The following AKT1 variants were observed in gnomAD, a reference collection of about 807,000 sequenced individuals.
AKT1 encodes the protein RAC-alpha serine/threonine-protein kinase.
A neutral mutation model predicts 63.1 loss-of-function variants in AKT1; 21 were observed. The observed-to-expected ratio is 0.33, with a 90% CI of 0.24 to 0.48. The LOEUF (loss-of-function observed/expected upper bound fraction) is 0.48, where lower values mean the gene tolerates loss of function less well. Ranked by LOEUF, AKT1 falls within the 20% of genes least tolerant of loss-of-function variation. The pLI is 0.99. For missense variants in AKT1, 382 were observed against 666.0 expected, an observed-to-expected ratio of 0.57 and a Z score of 4.69; for synonymous variants, 257 against 253.1, an observed-to-expected ratio of 1.02 and a Z score of -0.15.
At chr14:104,775,345 G>A in intron 6 of AKT1, 138 bp from the exon 7 acceptor site, 1 of 1,448,922 alleles carries the variant, frequency 6.9e-7, no homozygotes, top group Non-Finnish European at 9.2e-7. Context: ...GTGGCCTACT[G>A]GGCTCAGCGG....
chr14:104,775,256 G>A (rs772963920), intron 6 of AKT1, 49 bp from the exon 7 acceptor site: 1 of 1,607,954 alleles, frequency 6.2e-7, no homozygotes, highest in East Asian at 2.2e-5. Flanking sequence ...ACAGTGCCCA[G>A]CTGGTCGGCA....
intron 3 of AKT1, among the ~76,000 whole-genome samples, chr14:104,791,815 C>T (rs1893642928): frequency 6.6e-6 from 1 of 152,350 alleles, no homozygotes; most frequent in East Asian, 1.9e-4. Context: ...CAGGAGAGGG[C>T]GGACCGATTC....
intron 2 of AKT1, 90 bp from the exon 3 acceptor site, chr14:104,792,812 C>T: frequency 1.3e-6 from 1 of 760,934 alleles, no homozygotes; most frequent in African/African-American, 1.7e-5. Flanking sequence ...ACTGCACGTG[C>T]CTGGGGGCTC....
intron 3 of AKT1, among the ~76,000 whole-genome samples, chr14:104,785,850 C>A (rs1213729463): frequency 6.6e-6 from 1 of 152,104 alleles, no homozygotes; most frequent in Non-Finnish European, 1.5e-5. Flanking sequence ...CAGCCGGAGG[C>A]GCTGGGGCCT....
At position 104,773,915 on chromosome 14, in the gene AKT1, G is replaced by A. The variant is rs371786809; in HGVS notation, c.699C>T (p.Gly233=). Reference sequence around the variant, plus strand: ...CCCCCGCAGCCCCAGCCCCTACCTCGCCCCCGTTGGCGTACTCCATGACAA... The same window carrying A: ...CCCCCGCAGCCCCAGCCCCTACCTCACCCCCGTTGGCGTACTCCATGACAA... ...LCFVMEYANG[G]ELFFHLSRER... The change falls in exon 9 of 15, where the codon GGC becomes GGT. Residue 233 remains glycine (G), a synonymous_variant. Coordinates refer to ENST00000649815, the MANE Select transcript of AKT1 (RefSeq NM_001382430.1). 14 of 1,608,576 alleles carry A rather than the reference G, an allele frequency of 8.7e-6. No homozygotes were observed. The highest frequency in any genetic ancestry group is 2.2e-5 in the East Asian group (1 of 44,690).
At chr14:104,777,966 G>A (rs1892830752) in intron 4 of AKT1, 1 of 152,786 alleles carries the variant, frequency 6.5e-6, no homozygotes, top group South Asian at 2.1e-4. Flanking sequence ...CCCAGGGCCA[G>A]AGTCTCGAGC....
chr14:104,786,038 T>G (rs1893313488), intron 3 of AKT1, among the ~76,000 whole-genome samples: 1 of 151,908 alleles, frequency 6.6e-6, no homozygotes, highest in South Asian at 2.1e-4. Flanking sequence ...GCACCCCACC[T>G]GCCACACACC....
intron 13 of AKT1, 101 bp downstream of exon 13, chr14:104,772,264 G>T: frequency 7.8e-7 from 1 of 1,278,404 alleles, no homozygotes; most frequent in Non-Finnish European, 1.1e-6. Context: ...CCTGAGGTGA[G>T]GGCGAGTGTG....
chr14:104,774,553 GCCC>G, intron 8 of AKT1: 1 of 265,916 alleles, frequency 3.8e-6, no homozygotes, highest in Middle Eastern at 1.1e-3. Flanking sequence ...CTGGACCCTG[GCCC>G]CCTTCACAGT....
intron 4 of AKT1, chr14:104,777,857 G>T: frequency 3.7e-6 from 1 of 272,962 alleles, no homozygotes; most frequent in Non-Finnish European, 5.6e-6. Context: ...AGGGTGGCCT[G>T]TGTCAACACA....
In AKT1 at chr14:104,776,570, G is replaced by C. The variant is rs1332218117; in HGVS notation, c.287+89C>G. 4 of 1,155,422 alleles carry C rather than the reference G, an allele frequency of 3.5e-6. No homozygotes were observed. The African/African-American group carries it at 4.6e-5, about 13-fold the overall frequency. 71.6% of individuals were successfully genotyped at this position (1,155,422 alleles called of 1,614,324 possible). A position where few individuals can be genotyped will look rare whatever the true frequency, so the allele number is the denominator to read the frequency against. On this transcript the variant is annotated intron_variant, in intron 5 of 14. Transcript: ENST00000649815. ...CACTGGGGAGTGAGGATGGCTACAG[G>C]CAGAGGTGCCAGCACCCCGCCATCC...
At chr14:104,786,817 G>A (rs527579130) in intron 3 of AKT1, among the ~76,000 whole-genome samples, 3 of 152,180 alleles carry the variant, frequency 2.0e-5, no homozygotes, top group Admixed American at 2.0e-4. Context: ...GTGCAGCTCA[G>A]CGTCTCCGCG....
intron 4 of AKT1, among the ~76,000 whole-genome samples, chr14:104,779,397 G>A (rs1241201661): frequency 6.6e-6 from 1 of 152,220 alleles, no homozygotes; most frequent in Non-Finnish European, 1.5e-5. Context: ...AGTGATGGAG[G>A]CTTCAGAGCT....
Position 104,780,866 on chromosome 14 carries a change from T to C in AKT1, c.47-650A>G, listed in dbSNP as rs111838168. ...CTGTCTAGGGGCCTGGAGCACCGTC[T>C]TGGGGACTGCCGATGAAGCCAGACA... is the stretch of plus-strand genomic sequence containing the variant. On this transcript the variant is annotated intron_variant, in intron 3 of 14. Transcript: ENST00000649815. Among the ~76,000 whole-genome samples, 63 of 152,354 alleles carry C rather than the reference T, an allele frequency of 4.1e-4. 1 individual carries two copies. Among genetic ancestry groups the C allele is most frequent in the African/African-American group, 1.5e-3 (61 of 41,588 alleles).
chr14:104,784,984 G>A (rs538176616), intron 3 of AKT1, among the ~76,000 whole-genome samples: 2 of 152,356 alleles, frequency 1.3e-5, no homozygotes, highest in Non-Finnish European at 2.9e-5. Context: ...TCGCAGAGAC[G>A]GTGGTGGCAG....
Position 104,773,918 on chromosome 14 carries a change from C to A in AKT1, c.696G>T (p.Gly232=). Residue 232 remains glycine, a synonymous_variant, in exon 9 of 15, where the codon GGG becomes GGT. Coordinates refer to ENST00000649815, the MANE Select transcript of AKT1 (RefSeq NM_001382430.1). ...CCGCAGCCCCAGCCCCTACCTCGCC[C>A]CCGTTGGCGTACTCCATGACAAAGC... ...RLCFVMEYAN[G]GELFFHLSRE... is the part of the protein sequence containing the mutation. 1.2e-6 allele frequency: 2 copies of A among 1,610,032 alleles called. No homozygotes were observed. The highest frequency in any genetic ancestry group is 2.2e-5 in the East Asian group (1 of 44,732).
At chr14:104,783,937 C>T (rs1161177491) in intron 3 of AKT1, among the ~76,000 whole-genome samples, 1 of 152,242 alleles carries the variant, frequency 6.6e-6, no homozygotes, top group Non-Finnish European at 1.5e-5. Flanking sequence ...GGGGACCCCA[C>T]ACCACTGCCA....
At chr14:104,782,468 C>G (rs1055063587) in intron 3 of AKT1, among the ~76,000 whole-genome samples, 1 of 152,224 alleles carries the variant, frequency 6.6e-6, no homozygotes, top group African/African-American at 2.4e-5. Flanking sequence ...TGCCACAAGC[C>G]CAGCCCCAGG....
chr14:104,775,060 A>G lies in AKT1; in HGVS notation c.567+16T>C. 1.2e-6 allele frequency: 2 copies of G among 1,612,384 alleles called. No individual in the cohort carries two copies. The highest frequency in any genetic ancestry group is 1.7e-6 in the Non-Finnish European group (2 of 1,179,538). On this transcript the variant is annotated intron_variant, in intron 7 of 14. Coordinates refer to ENST00000649815, the MANE Select transcript of AKT1 (RefSeq NM_001382430.1). Reference sequence around the variant, plus strand: ...CGCACCCTCATCTCCACCCTGCCCCACCGCCCCGGCCCCACCTTGGCCACG... The same window carrying G: ...CGCACCCTCATCTCCACCCTGCCCCGCCGCCCCGGCCCCACCTTGGCCACG...
Sources: allele counts gnomAD v4.1 joint callset (sites outside exome capture counted in the v4.1 genomes callset), GRCh38; gene constraint gnomAD v4.1.1; transcripts MANE v1.5; gene names NCBI Gene and HGNC (gene_info 2026-07-23, HGNC 2026-07-21).